DDN: variants seen among roughly 807,000 people sequenced by gnomAD.
DDN encodes the protein dendrin.
DDN carries 4 observed loss-of-function variants against 7.3 expected under a neutral mutation model. The ratio of observed to expected loss-of-function variants is 0.55; its 90% CI spans 0.27 to 1.25. The LOEUF (loss-of-function observed/expected upper bound fraction) is 1.25, where lower values mean the gene tolerates loss of function less well. DDN is among the 50% of genes most tolerant of loss of function. DDN has a pLI of 0.12. For missense variants in DDN, 933 were observed against 974.7 expected, an observed-to-expected ratio of 0.96 and a Z score of 0.57; for synonymous variants, 425 against 424.3, an observed-to-expected ratio of 1.00 and a Z score of -0.02.
chr12:48,998,273 T>A lies in DDN; in HGVS notation c.603A>T (p.Pro201=). The A allele has an allele frequency of 6.2e-7, 1 of 1,606,124 alleles. No individual in the cohort carries two copies. Among genetic ancestry groups the A allele is most frequent in the Non-Finnish European group, 8.5e-7 (1 of 1,177,038 alleles). ...GPWGGRRPGP[P]SYEAHLLLRG... is the part of the protein sequence containing the mutation. The stretch of plus-strand genomic sequence containing the variant: ...TCAGCAGCAGGTGAGCCTCGTAGCT[T>A]GGGGGCCCGGGCCGCCGACCTCCCC... Residue 201 remains proline, a synonymous_variant, in exon 2 of 2, where the codon CCA becomes CCT. Coordinates refer to ENST00000421952, the MANE Select transcript of DDN (RefSeq NM_015086.2).
At position 48,997,555 on chromosome 12, in the gene DDN, G is replaced by A. The variant is rs1305049630; in HGVS notation, c.1321C>T (p.Arg441Cys). The A allele has an allele frequency of 6.2e-7, 1 of 1,601,138 alleles. No individual in the cohort carries two copies. Among genetic ancestry groups the A allele is most frequent in the South Asian group, 1.1e-5 (1 of 90,064 alleles). Residue 441 changes from arginine to cysteine, a missense_variant, in exon 2 of 2, where the codon CGC becomes TGC. Physicochemically the swap from Arg to Cys is radical, Grantham distance 180 (BLOSUM62 -3). Transcript: ENST00000421952. ...CCACGGGACAGGCCCTGGGAACTGC[G>A]GGGCAAGGTGTGGGCACGGCGGGTC... Reference protein sequence around the residue: ...KATRRAHTLPRSSQGLSRGEG... With the variant: ...KATRRAHTLPCSSQGLSRGEG...
At chr12:48,998,731 C>T (rs1168730319) in intron 1 of DDN, 65 bp from the exon 2 acceptor site, 5 of 1,419,870 alleles carry the variant, frequency 3.5e-6, no homozygotes, top group Non-Finnish European at 3.7e-6. Context: ...GTCCGGGGAG[C>T]TGGGAGCACT....
At chr12:48,998,922 C>G (rs1482050097) in intron 1 of DDN, among the ~76,000 whole-genome samples, 157 bp downstream of exon 1, 1 of 152,210 alleles carries the variant, frequency 6.6e-6, no homozygotes, top group Non-Finnish European at 1.5e-5. Flanking sequence ...TTCCCCCAAA[C>G]AACGGGATGA....
Position 48,996,945 on chromosome 12 carries a change from C to T in DDN, c.1931G>A (p.Ser644Asn), listed in dbSNP as rs1192836089. The change falls in exon 2 of 2, where the codon AGC (serine) becomes AAC (asparagine). Residue 644 changes from serine (S) to asparagine (N), a missense_variant. By Grantham distance (46) the Ser-to-Asn change is conservative (BLOSUM62 1). Transcript: ENST00000421952. ...GGAGGCGCCCGGGGCTTCTGTGTCGCTTCCATCAGAGGAGCCGCTATGGAC... is the reference window on the plus strand; with the variant it reads ...GGAGGCGCCCGGGGCTTCTGTGTCGTTTCCATCAGAGGAGCCGCTATGGAC... Reference protein sequence around the residue: ...LSVHSGSSDGSDTEAPGASWR... With the variant: ...LSVHSGSSDGNDTEAPGASWR... The T allele has an allele frequency of 6.3e-7, 1 of 1,588,470 alleles. No individual in the cohort carries two copies. Among genetic ancestry groups the T allele is most frequent in the Non-Finnish European group, 8.6e-7 (1 of 1,166,740 alleles).
At position 48,998,236 on chromosome 12, in the gene DDN, C is replaced by G. The variant is rs562375276; in HGVS notation, c.640G>C (p.Gly214Arg). ...EAHLLLRGSA[G>R]TAPRRRWDRP... The stretch of plus-strand genomic sequence containing the variant: ...TCCCAGCGGCGTCGTGGGGCGGTCC[C>G]GGCAGAACCTCTCAGCAGCAGGTGA... The change falls in exon 2 of 2, where the codon GGG (glycine) becomes CGG (arginine). Residue 214 changes from glycine (G) to arginine (R), a missense_variant. Physicochemically the swap from Gly to Arg is moderately radical, Grantham distance 125. Coordinates refer to ENST00000421952, the MANE Select transcript of DDN (RefSeq NM_015086.2). 1.9e-6 allele frequency: 3 copies of G among 1,612,332 alleles called. No individual in the cohort carries two copies. The highest frequency in any genetic ancestry group is 2.2e-5 in the East Asian group (1 of 44,856).
chr12:48,998,087 C>T lies in DDN; in HGVS notation c.789G>A (p.Arg263=). The change falls in exon 2 of 2, where the codon AGG becomes AGA. Residue 263 remains arginine, a synonymous_variant. Coordinates refer to ENST00000421952, the MANE Select transcript of DDN (RefSeq NM_015086.2). ...TSSAPAATPA[R]TDGGRTKKRL... ...TCTTCTTTGTGCGCCCTCCGTCTGT[C>T]CTGGCTGGAGTCGCAGCTGGGGCTG... 1.2e-6 allele frequency: 2 copies of T among 1,614,018 alleles called. No individual in the cohort carries two copies. Among genetic ancestry groups the T allele is most frequent in the East Asian group, 2.2e-5 (1 of 44,886 alleles).
At chr12:48,998,806 A>G (rs989369181) in intron 1 of DDN, 140 bp from the exon 2 acceptor site, 2 of 1,138,668 alleles carry the variant, frequency 1.8e-6, no homozygotes, top group Non-Finnish European at 1.2e-6. Context: ...GCACGTGCGT[A>G]TATGTTAGGA....
At chr12:48,998,897 T>C (rs1941258487) in intron 1 of DDN, among the ~76,000 whole-genome samples, 182 bp downstream of exon 1, 1 of 152,140 alleles carries the variant, frequency 6.6e-6, no homozygotes, top group Admixed American at 6.5e-5. Flanking sequence ...CTGCCCTTTC[T>C]CACACCCACT....
Position 48,997,731 on chromosome 12 carries a change from A to G in DDN, c.1145T>C (p.Phe382Ser). 6.3e-7 allele frequency: 1 copy of G among 1,592,150 alleles called. No homozygotes were observed. ...REGKEGEQIW[F>S]PKCWIPSPKK... ...AGGGGAGGGAATCCAGCATTTGGGAAACCAGATCTGTTCTCCTTCTTTCCC... is the reference window on the plus strand; with the variant it reads ...AGGGGAGGGAATCCAGCATTTGGGAGACCAGATCTGTTCTCCTTCTTTCCC... Residue 382 changes from phenylalanine (F) to serine (S), a missense_variant, in exon 2 of 2, where the codon TTT becomes TCT. Coordinates refer to ENST00000421952, the MANE Select transcript of DDN (RefSeq NM_015086.2).
In DDN at chr12:48,999,291, G is replaced by GGGCCCCCCCC; in HGVS notation, c.-5_-4insGGGGGGGGCC. On this transcript the variant is annotated 5_prime_UTR_variant, in exon 1 of 2. Transcript: ENST00000421952. ...AGAACAGTGGGCCATCCAGCATCCT[G>GGGCCCCCCCC]CCCCACCCCACCCCGGCCCCCCACC... 1 of 1,510,106 alleles carries GGGCCCCCCCC rather than the reference G, an allele frequency of 6.6e-7. No individual in the cohort carries two copies. The highest frequency in any genetic ancestry group is 8.9e-7 in the Non-Finnish European group (1 of 1,125,616). 93.5% of individuals were successfully genotyped at this position (1,510,106 alleles called of 1,614,324 possible).
In DDN at chr12:48,998,554, G is replaced by T. The variant is rs763217495; in HGVS notation, c.322C>A (p.Arg108=). 4 of 1,593,028 alleles carry T rather than the reference G, an allele frequency of 2.5e-6. No homozygotes were observed. In the African/African-American group the frequency reaches 5.4e-5, roughly 22 times the overall value. ...GCCGCTTTCCTTTTCTCTTGCTCCC[G>T]AGCTCGGACCTCGGCCAGGGGCCCC... ...RAGPLAEVRA[R]EQEKRKAASQ... is the part of the protein sequence containing the mutation. Residue 108 remains arginine (R), a synonymous_variant, in exon 2 of 2, where the codon CGG becomes AGG. Transcript: ENST00000421952.
At position 48,998,421 on chromosome 12, in the gene DDN, C is replaced by A. The variant is rs1399061152; in HGVS notation, c.455G>T (p.Arg152Leu). 2.0e-6 allele frequency: 3 copies of A among 1,512,470 alleles called. No individual in the cohort carries two copies. In the South Asian group the frequency reaches 3.7e-5, roughly 19 times the overall value. The allele number at this position is 1,512,470 out of a possible 1,614,324, so 93.7% of individuals were successfully genotyped here. ...RPRPEPRNAP[R>L]VAQLAGLPAP... The stretch of plus-strand genomic sequence containing the variant: ...AGGGAGCCCTGCCAGCTGGGCCACC[C>A]GAGGGGCGTTGCGGGGCTCCGGGCG... Residue 152 changes from arginine (R) to leucine (L), a missense_variant, in exon 2 of 2, where the codon CGG becomes CTG. Transcript: ENST00000421952.
rs1378924249 is a variant in DDN, at chr12:48,995,642, G to A, written c.*1098C>T. On this transcript the variant is annotated 3_prime_UTR_variant, in exon 2 of 2. Coordinates refer to ENST00000421952, the MANE Select transcript of DDN (RefSeq NM_015086.2). ...CACACCCCACGCCTGCTGGCTTCTG[G>A]TGACCGGCCTCTTTCCTTGCCTGGC... 6.6e-6 allele frequency: 1 copy of A among 152,264 alleles called. No homozygotes were observed. Among genetic ancestry groups the A allele is most frequent in the Non-Finnish European group, 1.5e-5 (1 of 68,072 alleles). 9.4% of individuals were successfully genotyped at this position (152,264 alleles called of 1,614,324 possible). A position where few individuals can be genotyped will look rare whatever the true frequency, so the allele number is the denominator to read the frequency against.
chr12:48,998,355 G>C lies in DDN; in HGVS notation c.521C>G (p.Ala174Gly), dbSNP rs780394436. The C allele has an allele frequency of 6.0e-6, 9 of 1,512,208 alleles. No individual in the cohort carries two copies. The highest frequency in any genetic ancestry group is 7.9e-6 in the Non-Finnish European group (9 of 1,137,888). The allele number at this position is 1,512,208 out of a possible 1,614,324, so 93.7% of individuals were successfully genotyped here. ...RPERLAPVGR[A>G]PRPSAQPQSD... ...CTGCGGCTGCGCGGATGGACGGGGC[G>C]CTCGCCCCACAGGCGCCAGGCGCTC... is the stretch of plus-strand genomic sequence containing the variant. The change falls in exon 2 of 2, where the codon GCG (alanine) becomes GGG (glycine). Residue 174 changes from alanine (A) to glycine (G), a missense_variant. Ala to Gly is a moderately conservative substitution (Grantham distance 60). Transcript: ENST00000421952.
rs1941237107 is a variant in DDN, at chr12:48,997,947, C to T, written c.929G>A (p.Gly310Asp). 1.9e-6 allele frequency: 3 copies of T among 1,612,892 alleles called. No homozygotes were observed. The highest frequency in any genetic ancestry group is 2.5e-6 in the Non-Finnish European group (3 of 1,180,024). Reference protein sequence around the residue: ...CGAARARPEPGKGVVEKSLGL... With the variant: ...CGAARARPEPDKGVVEKSLGL... ...CAGGCTTTTCTCCACGACCCCCTTG[C>T]CGGGCTCTGGCCTTGCTCTGGCCGC... The change falls in exon 2 of 2, where the codon GGC (glycine) becomes GAC (aspartate). Residue 310 changes from glycine (G) to aspartate (D), a missense_variant. By Grantham distance (94) the Gly-to-Asp change is moderately conservative. Coordinates refer to ENST00000421952, the MANE Select transcript of DDN (RefSeq NM_015086.2).
chr12:48,999,302 C>T lies in DDN; in HGVS notation c.-15G>A, dbSNP rs1454326337. Reference sequence around the variant, plus strand: ...CCATCCAGCATCCTGCCCCACCCCACCCCGGCCCCCCACCCTCCCACCCGC... The same window carrying T: ...CCATCCAGCATCCTGCCCCACCCCATCCCGGCCCCCCACCCTCCCACCCGC... On this transcript the variant is annotated 5_prime_UTR_variant, in exon 1 of 2. It adds an upstream start codon to the 5' untranslated region. Transcript: ENST00000421952. 2.0e-6 allele frequency: 3 copies of T among 1,496,796 alleles called. No individual in the cohort carries two copies. Among genetic ancestry groups the T allele is most frequent in the Non-Finnish European group, 2.7e-6 (3 of 1,119,648 alleles). The allele number at this position is 1,496,796 out of a possible 1,614,324, so 92.7% of individuals were successfully genotyped here.
At position 48,995,496 on chromosome 12, in the gene DDN, G is replaced by A. The variant is rs190684787; in HGVS notation, c.*1244C>T. On this transcript the variant is annotated 3_prime_UTR_variant, in exon 2 of 2. Coordinates refer to ENST00000421952, the MANE Select transcript of DDN (RefSeq NM_015086.2). ...GCCTGCTCCCGGCCCCGCACGGCTG[G>A]AGACTGCAAGGCGGGGGACCCGCGC... 2 of 152,498 alleles carry A rather than the reference G, an allele frequency of 1.3e-5. No individual in the cohort carries two copies. Among genetic ancestry groups the A allele is most frequent in the Non-Finnish European group, 2.9e-5 (2 of 68,140 alleles). The allele number at this position is 152,498 out of a possible 1,614,324, so 9.4% of individuals were successfully genotyped here.
At position 48,997,326 on chromosome 12, in the gene DDN, C is replaced by A. The variant is rs1941221868; in HGVS notation, c.1550G>T (p.Ser517Ile). The change falls in exon 2 of 2, where the codon AGT becomes ATT. Residue 517 changes from serine to isoleucine, a missense_variant. Coordinates refer to ENST00000421952, the MANE Select transcript of DDN (RefSeq NM_015086.2). ...PSPCQKRLSS[S>I]RLLHQPGGGR... Reference sequence around the variant, plus strand: ...CCCGCCGGGCTGGTGTAAAAGGCGACTGCTCGACAGCCGCTTTTGACAAGG... The same window carrying A: ...CCCGCCGGGCTGGTGTAAAAGGCGAATGCTCGACAGCCGCTTTTGACAAGG... 1 of 1,609,748 alleles carries A rather than the reference C, an allele frequency of 6.2e-7. No individual in the cohort carries two copies. Among genetic ancestry groups the A allele is most frequent in the Non-Finnish European group, 8.5e-7 (1 of 1,178,498 alleles).
In DDN at chr12:48,998,317, A is replaced by C; in HGVS notation, c.559T>G (p.Ser187Ala). The C allele has an allele frequency of 6.4e-7, 1 of 1,568,154 alleles. No individual in the cohort carries two copies. Among genetic ancestry groups the C allele is most frequent in the Non-Finnish European group, 8.6e-7 (1 of 1,162,084 alleles). ...PSAQPQSDPGSAWAGPWGGRR... is the reference protein window; with the variant it reads ...PSAQPQSDPGAAWAGPWGGRR... ...CCTCCCCAGGGCCCCGCCCACGCCG[A>C]CCCTGGGTCGCTCTGCGGCTGCGCG... Residue 187 changes from serine (S) to alanine (A), a missense_variant, in exon 2 of 2, where the codon TCG (serine) becomes GCG (alanine). By Grantham distance (99) the Ser-to-Ala change is moderately conservative (BLOSUM62 1). Transcript: ENST00000421952.
Sources: gnomAD v4.1 joint callset for allele counts (sites outside exome capture counted in the v4.1 genomes callset) on GRCh38, gnomAD v4.1.1 for gene constraint, MANE v1.5 for transcripts, NCBI Gene and HGNC (gene_info 2026-07-23, HGNC 2026-07-21) for gene names.